The following ANKFN1 variants were observed in gnomAD, a reference collection of about 807,000 sequenced individuals.
ANKFN1 encodes ankyrin repeat and fibronectin type III domain containing 1.
A neutral mutation model predicts 108.7 loss-of-function variants in ANKFN1; 74 were observed. The observed-to-expected ratio is 0.68, with a 90% CI of 0.56 to 0.83. The LOEUF (loss-of-function observed/expected upper bound fraction) is 0.83, where lower values mean the gene tolerates loss of function less well. ANKFN1 is among the 40% of genes least tolerant of loss of function. ANKFN1 has a pLI of 0.00. For synonymous variants in ANKFN1, 547 were observed against 516.2 expected, an observed-to-expected ratio of 1.06 and a Z score of -0.81; for missense variants, 1,505 against 1,382.3, an observed-to-expected ratio of 1.09 and a Z score of -1.41.
chr17:56,515,281 T>TA lies in ANKFN1; in HGVS notation c.*4013dup, dbSNP rs2145516058. ...TATATGTGCTTATTAAGCTATCACA[T>TA]ACCAATTAGAGAAGGTAGCTGTAGA... On this transcript the variant is annotated 3_prime_UTR_variant, in exon 21 of 21. Coordinates refer to ENST00000682825, the MANE Select transcript of ANKFN1 (RefSeq NM_001370326.1). Among the ~76,000 whole-genome samples the TA allele has an allele frequency of 6.6e-6, 1 of 152,322 alleles. No individual in the cohort carries two copies. The highest frequency in any genetic ancestry group is 2.1e-4 in the South Asian group (1 of 4,824).
rs548003518 is a variant in ANKFN1 at position 56,263,715 on chromosome 17, G to A, written c.53+35758G>A. ...CAAACTTAATCTTCTGTTTTAGGGG[G>A]AAAGAATAACAGAGGGGAGAGAAAG... On this transcript the variant is annotated intron_variant, in intron 3 of 20. Coordinates refer to ENST00000682825, the MANE Select transcript of ANKFN1 (RefSeq NM_001370326.1). Among the ~76,000 whole-genome samples, 14 of 152,292 alleles carry A rather than the reference G, an allele frequency of 9.2e-5. No individual in the cohort carries two copies. In the East Asian group the frequency reaches 2.5e-3, roughly 27 times the overall value.
chr17:56,161,020 G>A (rs1909609066), intron 1 of ANKFN1, among the ~76,000 whole-genome samples: 1 of 152,204 alleles, frequency 6.6e-6, no homozygotes, highest in Non-Finnish European at 1.5e-5. Flanking sequence ...ACTTGAGATG[G>A]TGGTGATGCC....
chr17:56,151,287 G>T (rs1908587957), upstream of ANKFN1, among the ~76,000 whole-genome samples: 1 of 152,180 alleles, frequency 6.6e-6, no homozygotes. Flanking sequence ...CCTGGTTAGT[G>T]CTGTCAGCCA....
chr17:56,048,588 G>A (rs540824525), intron 4 of ANKFN1, among the ~76,000 whole-genome samples: 1 of 152,272 alleles, frequency 6.6e-6, no homozygotes, highest in South Asian at 2.1e-4. Context: ...CTCAGGACAG[G>A]CCTGCAGCTT....
intron 8 of ANKFN1, among the ~76,000 whole-genome samples, chr17:56,428,738 C>G (rs575656664): frequency 6.6e-6 from 1 of 152,264 alleles, no homozygotes; most frequent in African/African-American, 2.4e-5. Flanking sequence ...GCTGGGATTA[C>G]AGGCATGAGC....
intron 8 of ANKFN1, among the ~76,000 whole-genome samples, chr17:56,412,889 C>T (rs2048135399): frequency 6.6e-6 from 1 of 152,098 alleles, no homozygotes; most frequent in South Asian, 2.1e-4. Context: ...TCCAGAGAAC[C>T]CTGACAGTGT....
rs1238280922 is a variant in ANKFN1 at position 56,515,495 on chromosome 17, G to A, written c.*4226G>A. Among the ~76,000 whole-genome samples, 2 of 152,032 alleles carry A rather than the reference G, an allele frequency of 1.3e-5. No homozygotes were observed. Among genetic ancestry groups the A allele is most frequent in the African/African-American group, 4.8e-5 (2 of 41,400 alleles). ...CTTCATAGGTAATAGGGTGAGCAAGGAAAAAAACTGTTTTCTTTGCTGGTC... is the reference window on the plus strand; with the variant it reads ...CTTCATAGGTAATAGGGTGAGCAAGAAAAAAAACTGTTTTCTTTGCTGGTC... On this transcript the variant is annotated 3_prime_UTR_variant, in exon 21 of 21. Coordinates refer to ENST00000682825, the MANE Select transcript of ANKFN1 (RefSeq NM_001370326.1).
chr17:56,435,416 A>G (rs2048899555), intron 8 of ANKFN1, among the ~76,000 whole-genome samples: 1 of 152,248 alleles, frequency 6.6e-6, no homozygotes, highest in Non-Finnish European at 1.5e-5. Context: ...TAAAATTGCT[A>G]AGGGAAAATT....
intron 8 of ANKFN1, among the ~76,000 whole-genome samples, chr17:56,420,680 C>G (rs1282415906): frequency 7.4e-6 from 1 of 135,412 alleles, no homozygotes; most frequent in Admixed American, 7.0e-5. Flanking sequence ...CTTCTGACTC[C>G]TTCTTTTTTT....
intron 1 of ANKFN1, among the ~76,000 whole-genome samples, chr17:56,187,209 A>T (rs1433809878): frequency 6.6e-6 from 1 of 152,228 alleles, no homozygotes; most frequent in Non-Finnish European, 1.5e-5. Flanking sequence ...TAATATCCAG[A>T]ATCTAAAAAG....
intron 18 of ANKFN1, among the ~76,000 whole-genome samples, chr17:56,484,391 GA>G (rs745444791): frequency 6.6e-6 from 1 of 151,842 alleles, no homozygotes; most frequent in Non-Finnish European, 1.5e-5. Flanking sequence ...ACAGATATTT[GA>G]AAAAAAAGAA....
At chr17:56,066,175 A>G (rs1905056010) in intron 4 of ANKFN1, among the ~76,000 whole-genome samples, 1 of 152,236 alleles carries the variant, frequency 6.6e-6, no homozygotes, top group South Asian at 2.1e-4. Context: ...GGTGCTACAC[A>G]AAACACTTAG....
chr17:56,058,688 G>T (rs577007861), intron 4 of ANKFN1, among the ~76,000 whole-genome samples: 1 of 152,138 alleles, frequency 6.6e-6, no homozygotes, highest in Admixed American at 6.5e-5. Flanking sequence ...TACAGTGTTT[G>T]GTTCTCTGTT....
chr17:56,323,974 A>G (rs1477288056), intron 3 of ANKFN1, among the ~76,000 whole-genome samples: 1 of 152,202 alleles, frequency 6.6e-6, no homozygotes, highest in Non-Finnish European at 1.5e-5. Context: ...TAGGGGCTAG[A>G]AAAATATCTC....
intron 4 of ANKFN1, among the ~76,000 whole-genome samples, chr17:56,347,507 A>G (rs1329688039): frequency 6.6e-6 from 1 of 152,078 alleles, no homozygotes; most frequent in African/African-American, 2.4e-5. Context: ...GGGTCTACCA[A>G]ATCCCAAAAC....
chr17:56,394,772 G>T (rs555111629), intron 8 of ANKFN1, among the ~76,000 whole-genome samples: 1 of 152,308 alleles, frequency 6.6e-6, no homozygotes, highest in Admixed American at 6.5e-5. Flanking sequence ...CACTGGAGAT[G>T]ATAAGCCGCT....
At chr17:56,315,698 CT>C in intron 3 of ANKFN1, among the ~76,000 whole-genome samples, 1 of 152,310 alleles carries the variant, frequency 6.6e-6, no homozygotes, top group Non-Finnish European at 1.5e-5. Flanking sequence ...GCTTAGAAAG[CT>C]CCTCTACTCC....
chr17:56,189,231 C>A (rs934252587), intron 1 of ANKFN1, among the ~76,000 whole-genome samples: 2 of 125,406 alleles, frequency 1.6e-5, no homozygotes, highest in Admixed American at 1.9e-4. Flanking sequence ...AGTGCAGTGG[C>A]GGGATCTCGG....
chr17:56,415,077 A>G (rs1335999111), intron 8 of ANKFN1, among the ~76,000 whole-genome samples: 1 of 152,140 alleles, frequency 6.6e-6, no homozygotes, highest in Non-Finnish European at 1.5e-5. Flanking sequence ...ACCTCAACAT[A>G]ATAAGAACTA....
Sources: allele counts gnomAD v4.1 joint callset (sites outside exome capture counted in the v4.1 genomes callset), GRCh38; gene constraint gnomAD v4.1.1; transcripts MANE v1.5; gene names NCBI Gene and HGNC (gene_info 2026-07-23, HGNC 2026-07-21).